Variants in OPA1 observed in about 807,000 individuals in gnomAD.
OPA1 encodes dynamin-like GTPase OPA1, mitochondrial.
In OPA1, 59 loss-of-function variants were observed where a neutral mutation model predicts 152.9. The ratio of observed to expected loss-of-function variants is 0.39; its 90% CI spans 0.31 to 0.48. OPA1 has a LOEUF of 0.48. Among genes scored for constraint, OPA1 ranks in the 20% least tolerant of loss-of-function variants. OPA1 has a pLI of 0.96. For synonymous variants in OPA1, 400 were observed against 389.9 expected (o/e 1.03, Z -0.31); for missense variants, 1,008 against 1,216.8 (o/e 0.83, Z 2.55).
chr3:193,663,506 C>CT (rs1411945927), intron 26 of OPA1, among the ~76,000 whole-genome samples: 4 of 151,940 alleles, frequency 2.6e-5, no homozygotes, highest in Admixed American at 6.6e-5. Flanking sequence ...CTTCATGATG[C>CT]TTTTTTTGAG....
Position 193,643,554 on chromosome 3 carries a change from C to T in OPA1, c.1404C>T (p.Asp468=), listed in dbSNP as rs1311428025. ...INTVTSGMAP[D]TKETIFSISK... ...CTGTGACATCAGGCATGGCTCCTGA[C>T]ACAAAGGAAACTATTTTCAGTATCA... The change falls in exon 15 of 31, where the codon GAC becomes GAT. Residue 468 remains aspartate (D), a synonymous_variant. Coordinates refer to ENST00000361510, the MANE Select transcript of OPA1 (RefSeq NM_130837.3). The T allele has an allele frequency of 1.1e-5, 17 of 1,613,736 alleles. No individual in the cohort carries two copies. Among genetic ancestry groups the T allele is most frequent in the African/African-American group, 1.3e-5 (1 of 74,900 alleles).
At chr3:193,673,149 G>A (rs189072609) in intron 29 of OPA1, among the ~76,000 whole-genome samples, 13 of 152,132 alleles carry the variant, frequency 8.5e-5, no homozygotes, top group Admixed American at 2.6e-4. Context: ...TTTGGGCCTG[G>A]GTCTTTTCAC....
At chr3:193,611,194 A>C (rs931740089) in intron 1 of OPA1, among the ~76,000 whole-genome samples, 2 of 152,226 alleles carry the variant, frequency 1.3e-5, no homozygotes, top group African/African-American at 2.4e-5. Context: ...ATTGTGATTT[A>C]AAATGAGAAC....
chr3:193,676,832 T>G (rs1719126173), intron 29 of OPA1, among the ~76,000 whole-genome samples: 1 of 151,872 alleles, frequency 6.6e-6, no homozygotes, highest in Middle Eastern at 3.4e-3. Context: ...TACAAAAAAT[T>G]TAGCCAGGCG....
chr3:193,600,997 A>G (rs1417326576), intron 1 of OPA1, among the ~76,000 whole-genome samples: 1 of 152,152 alleles, frequency 6.6e-6, no homozygotes, highest in Non-Finnish European at 1.5e-5. Flanking sequence ...TTTAACACCA[A>G]ACATAGGCCT....
chr3:193,605,856 A>T (rs1310331940), intron 1 of OPA1, among the ~76,000 whole-genome samples: 17 of 152,200 alleles, frequency 1.1e-4, no homozygotes, highest in Admixed American at 9.2e-4. Flanking sequence ...AACCCCTGTC[A>T]CAGAAATGAC....
chr3:193,635,685 T>C (rs1288273816), intron 9 of OPA1, among the ~76,000 whole-genome samples, 163 bp downstream of exon 9: 2 of 152,214 alleles, frequency 1.3e-5, no homozygotes, highest in Admixed American at 6.5e-5. Flanking sequence ...AGACATTTTA[T>C]AAGTTGTAGT....
intron 1 of OPA1, among the ~76,000 whole-genome samples, chr3:193,613,358 T>TA (rs5855490): frequency 2.6e-5 from 4 of 151,312 alleles, no homozygotes; most frequent in Admixed American, 6.6e-5. Context: ...TAACAATACT[T>TA]AAAAAAAAAA....
intron 29 of OPA1, among the ~76,000 whole-genome samples, chr3:193,681,116 G>A (rs1720061531): frequency 1.3e-5 from 2 of 151,974 alleles, no homozygotes. Context: ...GATATCATTG[G>A]GTTTTCTAAG....
At chr3:193,629,338 C>T (rs1424287990) in intron 7 of OPA1, among the ~76,000 whole-genome samples, 1 of 152,120 alleles carries the variant, frequency 6.6e-6, no homozygotes, top group Non-Finnish European at 1.5e-5. Context: ...TACATTTTAT[C>T]CTAAAATTCA....
Position 193,635,574 on chromosome 3 carries a change from G to A in OPA1, c.948+52G>A, listed in dbSNP as rs1187098096. On this transcript the variant is annotated intron_variant, in intron 9 of 30. Transcript: ENST00000361510. ...TCAAAATTTTACCGCTTAACGTTGT[G>A]TGTTCATCAGTACCAGTTTCTAAGG... The A allele has an allele frequency of 4.0e-6, 4 of 989,574 alleles. No individual in the cohort carries two copies. The Admixed American group carries it at 6.8e-5, about 17-fold the overall frequency. 61.3% of individuals were successfully genotyped at this position (989,574 alleles called of 1,614,324 possible).
intron 6 of OPA1, among the ~76,000 whole-genome samples, chr3:193,621,801 C>T (rs1254126715): frequency 2.6e-5 from 4 of 152,126 alleles, no homozygotes; most frequent in Admixed American, 6.5e-5. Context: ...TACTGAGACT[C>T]GGAGACCTTC....
intron 11 of OPA1, among the ~76,000 whole-genome samples, chr3:193,640,221 T>G (rs1733560714): frequency 1.3e-5 from 2 of 152,018 alleles, no homozygotes; most frequent in Non-Finnish European, 2.9e-5. Context: ...TGAGTAGAGA[T>G]AGAGAAAACA....
At chr3:193,607,218 C>A (rs1287268649) in intron 1 of OPA1, among the ~76,000 whole-genome samples, 2 of 152,160 alleles carry the variant, frequency 1.3e-5, no homozygotes, top group East Asian at 1.9e-4. Flanking sequence ...CTGTAGGTTG[C>A]CTGTTCACTC....
At chr3:193,683,376 G>A (rs1026439438) in intron 29 of OPA1, among the ~76,000 whole-genome samples, 1 of 151,772 alleles carries the variant, frequency 6.6e-6, no homozygotes, top group African/African-American at 2.4e-5. Context: ...GGCAGTAAAG[G>A]ATTTAGAATA....
In OPA1 at chr3:193,611,323, G is replaced by C. The variant is rs182668714; in HGVS notation, c.33-3400G>C. On this transcript the variant is annotated intron_variant, in intron 1 of 30. Coordinates refer to ENST00000361510, the MANE Select transcript of OPA1 (RefSeq NM_130837.3). ...TTCTCAAAATGCTTAGCTAGGTTGG[G>C]CACGATGGCTCACGCCTGTAATCCC... Among the ~76,000 whole-genome samples the C allele has an allele frequency of 9.8e-4, 149 of 152,196 alleles. 1 individual carries two copies. Among genetic ancestry groups the C allele is most frequent in the Admixed American group, 1.2e-3 (19 of 15,288 alleles).
intron 23 of OPA1, 143 bp downstream of exon 23, chr3:193,657,375 A>T (rs1057186469): frequency 2.5e-6 from 2 of 785,176 alleles, no homozygotes; most frequent in African/African-American, 1.8e-5. Flanking sequence ...TATGATCTGT[A>T]ATCTGCCCTT....
intron 1 of OPA1, among the ~76,000 whole-genome samples, chr3:193,599,951 T>G (rs1726211155): frequency 6.6e-6 from 1 of 152,212 alleles, no homozygotes; most frequent in Non-Finnish European, 1.5e-5. Flanking sequence ...GGCGTTTGCC[T>G]TATTTGAACG....
Position 193,593,221 on chromosome 3 carries a change from A to G in OPA1, c.-157A>G, listed in dbSNP as rs1724919012. 2 of 604,814 alleles carry G rather than the reference A, an allele frequency of 3.3e-6. No homozygotes were observed. The highest frequency in any genetic ancestry group is 2.8e-6 in the Non-Finnish European group (1 of 356,064). 37.5% of individuals were successfully genotyped at this position (604,814 alleles called of 1,614,324 possible). A position where few individuals can be genotyped will look rare whatever the true frequency, so the allele number is the denominator to read the frequency against. ...CGGGTGCCTGTCAGGCTCTTGCGGAAGTCCATGCGCCATTGGGAGGGCCTC... is the reference window on the plus strand; with the variant it reads ...CGGGTGCCTGTCAGGCTCTTGCGGAGGTCCATGCGCCATTGGGAGGGCCTC... On this transcript the variant is annotated 5_prime_UTR_variant, in exon 1 of 31. Transcript: ENST00000361510.
Sources: gnomAD v4.1 joint callset for allele counts (sites outside exome capture counted in the v4.1 genomes callset) on GRCh38, gnomAD v4.1.1 for gene constraint, MANE v1.5 for transcripts, NCBI Gene and HGNC (gene_info 2026-07-23, HGNC 2026-07-21) for gene names.